The following KCNQ5 variants were observed in gnomAD, a reference collection of about 807,000 sequenced individuals.
The protein encoded by KCNQ5 is potassium voltage-gated channel subfamily KQT member 5.
A neutral mutation model predicts 98.2 loss-of-function variants in KCNQ5; 30 were observed. The observed-to-expected ratio is 0.31, with a 90% CI of 0.23 to 0.41. The LOEUF (loss-of-function observed/expected upper bound fraction) is 0.41. Among genes scored for constraint, KCNQ5 ranks in the 10% least tolerant of loss-of-function variants. The probability of loss-of-function intolerance (pLI) is 1.00; values close to 1 mark genes in which losing one functional copy is unlikely to be tolerated. For missense variants in KCNQ5, 835 were observed against 1,182.5 expected (o/e 0.71, Z 4.31); for synonymous variants, 458 against 449.4 (o/e 1.02, Z -0.24).
At chr6:72,877,283 C>T (rs377077127) in intron 1 of KCNQ5, among the ~76,000 whole-genome samples, 28 of 152,174 alleles carry the variant, frequency 1.8e-4, no homozygotes, top group African/African-American at 6.5e-4. Context: ...TCTCATTGTT[C>T]AACTCCCACT....
chr6:73,127,905 A>C (rs1270845796), intron 9 of KCNQ5, among the ~76,000 whole-genome samples: 1 of 152,156 alleles, frequency 6.6e-6, no homozygotes, highest in African/African-American at 2.4e-5. Flanking sequence ...TCTATTTTAA[A>C]AATACAAAAA....
intron 1 of KCNQ5, among the ~76,000 whole-genome samples, chr6:72,965,829 C>T (rs1420538194): frequency 6.6e-6 from 1 of 152,134 alleles, no homozygotes; most frequent in African/African-American, 2.4e-5. Context: ...AACAGAATGG[C>T]CCACTTTGTC....
At chr6:72,697,999 T>G (rs1458741209) in intron 1 of KCNQ5, among the ~76,000 whole-genome samples, 2 of 152,148 alleles carry the variant, frequency 1.3e-5, no homozygotes, top group Admixed American at 6.5e-5. Context: ...GAGGATTACT[T>G]GAGTCCACTA....
At chr6:72,928,047 T>C (rs918566576) in intron 1 of KCNQ5, among the ~76,000 whole-genome samples, 3 of 152,048 alleles carry the variant, frequency 2.0e-5, no homozygotes, top group Non-Finnish European at 4.4e-5. Context: ...TGCTAAGAAA[T>C]GTGTACTGCT....
chr6:72,897,022 T>A (rs1379651691), intron 1 of KCNQ5, among the ~76,000 whole-genome samples: 1 of 152,050 alleles, frequency 6.6e-6, no homozygotes, highest in Non-Finnish European at 1.5e-5. Context: ...ATTATAGTCA[T>A]CTTAGGAGGT....
At chr6:73,080,509 A>C (rs1305191435) in intron 5 of KCNQ5, among the ~76,000 whole-genome samples, 2 of 152,208 alleles carry the variant, frequency 1.3e-5, no homozygotes, top group African/African-American at 4.8e-5. Flanking sequence ...TAAGAAGAAC[A>C]TATACTAGAT....
At chr6:72,778,394 C>T (rs1482923260) in intron 1 of KCNQ5, among the ~76,000 whole-genome samples, 7 of 151,826 alleles carry the variant, frequency 4.6e-5, no homozygotes, top group Non-Finnish European at 1.0e-4. Context: ...AAAAATTAGC[C>T]GGGCATGGTG....
intron 1 of KCNQ5, among the ~76,000 whole-genome samples, chr6:72,758,107 A>G (rs1280736092): frequency 6.6e-6 from 1 of 151,932 alleles, no homozygotes; most frequent in East Asian, 1.9e-4. Flanking sequence ...GGGAAGGGGA[A>G]CACTGAAGAT....
At chr6:72,936,947 T>C (rs1765949657) in intron 1 of KCNQ5, among the ~76,000 whole-genome samples, 1 of 152,208 alleles carries the variant, frequency 6.6e-6, no homozygotes, top group South Asian at 2.1e-4. Context: ...TTTCTCACAT[T>C]TTCATTTGTG....
At chr6:72,823,994 T>A (rs1401668487) in intron 1 of KCNQ5, among the ~76,000 whole-genome samples, 1 of 152,174 alleles carries the variant, frequency 6.6e-6, no homozygotes, top group Non-Finnish European at 1.5e-5. Context: ...TAGATTCATT[T>A]TAATGTTTCC....
intron 10 of KCNQ5, among the ~76,000 whole-genome samples, chr6:73,158,362 G>A (rs982470861): frequency 1.3e-5 from 2 of 151,652 alleles, no homozygotes; most frequent in Non-Finnish European, 2.9e-5. Flanking sequence ...CGCCTCCCGG[G>A]TTCGAACGAT....
chr6:73,180,158 C>T (rs1051607726), intron 11 of KCNQ5, among the ~76,000 whole-genome samples: 1 of 152,192 alleles, frequency 6.6e-6, no homozygotes, highest in Non-Finnish European at 1.5e-5. Flanking sequence ...CAACCATTGT[C>T]TTGCACCATG....
chr6:73,008,311 G>C (rs1769907199), intron 2 of KCNQ5, among the ~76,000 whole-genome samples: 1 of 152,130 alleles, frequency 6.6e-6, no homozygotes, highest in Non-Finnish European at 1.5e-5. Flanking sequence ...AAAAGACAGA[G>C]ATTGGCAGAA....
intron 5 of KCNQ5, among the ~76,000 whole-genome samples, chr6:73,095,471 G>A (rs1217787773): frequency 6.6e-6 from 1 of 152,150 alleles, no homozygotes; most frequent in African/African-American, 2.4e-5. Flanking sequence ...GGGAGCTAGT[G>A]TGATTTTTTG....
At chr6:72,987,691 C>A in intron 1 of KCNQ5, 2 of 589,230 alleles carry the variant, frequency 3.4e-6, no homozygotes, top group East Asian at 4.1e-5. Flanking sequence ...CTCCACCGCC[C>A]CCAACAAGAT....
At chr6:72,682,197 T>TAAAAA (rs1167747571) in intron 1 of KCNQ5, among the ~76,000 whole-genome samples, 1 of 152,088 alleles carries the variant, frequency 6.6e-6, no homozygotes, top group Non-Finnish European at 1.5e-5. Flanking sequence ...AGCACAGTAT[T>TAAAAA]AAAAAAACAA....
At chr6:72,865,317 GA>G (rs1283526332) in intron 1 of KCNQ5, among the ~76,000 whole-genome samples, 1 of 152,142 alleles carries the variant, frequency 6.6e-6, no homozygotes, top group African/African-American at 2.4e-5. Context: ...AAGTCCTCAT[GA>G]AAATGTATAT....
intron 1 of KCNQ5, among the ~76,000 whole-genome samples, chr6:72,730,778 T>C (rs190308185): frequency 9.2e-4 from 140 of 152,300 alleles, no homozygotes; most frequent in African/African-American, 2.8e-3. Flanking sequence ...AGAATTTTCC[T>C]GGCTGCTCTT....
chr6:73,137,771 C>T (rs1468189860), intron 10 of KCNQ5, among the ~76,000 whole-genome samples: 1 of 152,162 alleles, frequency 6.6e-6, no homozygotes, highest in Non-Finnish European at 1.5e-5. Flanking sequence ...GTAAAGGAGC[C>T]ACCATGCACA....
Sources: gnomAD v4.1 joint callset for allele counts (sites outside exome capture counted in the v4.1 genomes callset) on GRCh38, gnomAD v4.1.1 for gene constraint, MANE v1.5 for transcripts, NCBI Gene and HGNC (gene_info 2026-07-23, HGNC 2026-07-21) for gene names.